The following DBT variants were observed in gnomAD, a reference collection of about 807,000 sequenced individuals.
DBT encodes lipoamide acyltransferase component of branched-chain alpha-keto acid dehydrogenase complex, mitochondrial.
In DBT, 40 loss-of-function variants were observed where a neutral mutation model predicts 51.3. That is an observed-to-expected ratio of 0.78 (90% CI 0.61 to 1.02). The LOEUF (loss-of-function observed/expected upper bound fraction) is 1.02. Among genes scored for constraint, DBT ranks in the 50% least tolerant of loss-of-function variants. The probability of loss-of-function intolerance (pLI) is 0.00; values close to 1 mark genes in which losing one functional copy is unlikely to be tolerated. For synonymous variants in DBT, 181 were observed against 190.4 expected (o/e 0.95, Z 0.41); for missense variants, 510 against 580.2 (o/e 0.88, Z 1.24).
chr1:100,191,954 T>A lies in DBT; in HGVS notation c.*4301A>T, dbSNP rs1447671321. 1 of 152,156 alleles carries A rather than the reference T, an allele frequency of 6.6e-6. No individual in the cohort carries two copies. Among genetic ancestry groups the A allele is most frequent in the African/African-American group, 2.4e-5 (1 of 41,400 alleles). 9.4% of individuals were successfully genotyped at this position (152,156 alleles called of 1,614,324 possible). On this transcript the variant is annotated 3_prime_UTR_variant, in exon 11 of 11. Coordinates refer to ENST00000370132, the MANE Select transcript of DBT (RefSeq NM_001918.5). ...CATGTCACTTCATCGGCCTAATTTT[T>A]TTTTTTTTTGGTATTTTTTGTTTTT...
At position 100,195,519 on chromosome 1, in the gene DBT, A is replaced by T. The variant is rs1027431838; in HGVS notation, c.*736T>A. On this transcript the variant is annotated 3_prime_UTR_variant, in exon 11 of 11. Coordinates refer to ENST00000370132, the MANE Select transcript of DBT (RefSeq NM_001918.5). ...ATAATTGCACTTATTTCATACAACA[A>T]TTAGCATAATAACGGAAATGGAAAA... 1.3e-5 allele frequency: 2 copies of T among 152,292 alleles called. No individual in the cohort carries two copies. Among genetic ancestry groups the T allele is most frequent in the African/African-American group, 4.8e-5 (2 of 41,452 alleles). 9.4% of individuals were successfully genotyped at this position (152,292 alleles called of 1,614,324 possible). A position where few individuals can be genotyped will look rare whatever the true frequency, so the allele number is the denominator to read the frequency against.
At chr1:100,246,802 G>A (rs1399216883) in intron 1 of DBT, among the ~76,000 whole-genome samples, 3 of 152,146 alleles carry the variant, frequency 2.0e-5, no homozygotes, top group Non-Finnish European at 2.9e-5. Context: ...CAAGTAAACC[G>A]GTGATTATAA....
intron 4 of DBT, among the ~76,000 whole-genome samples, chr1:100,221,787 A>T (rs1020401174): frequency 3.3e-5 from 5 of 152,234 alleles, no homozygotes; most frequent in Admixed American, 3.3e-4. Flanking sequence ...CGTAGAAAGC[A>T]AATTTATAAT....
chr1:100,187,009 T>G lies in DBT; in HGVS notation c.*9246A>C, dbSNP rs959819196. On this transcript the variant is annotated 3_prime_UTR_variant, in exon 11 of 11. Coordinates refer to ENST00000370132, the MANE Select transcript of DBT (RefSeq NM_001918.5). The stretch of plus-strand genomic sequence containing the variant: ...TGGAAATGACTTTTAAATCTCCATT[T>G]GAGAAAAAGCATGCCATGAGTCTAA... The G allele has an allele frequency of 6.6e-6, 1 of 152,220 alleles. No homozygotes were observed. Among genetic ancestry groups the G allele is most frequent in the African/African-American group, 2.4e-5 (1 of 41,462 alleles). 9.4% of individuals were successfully genotyped at this position (152,220 alleles called of 1,614,324 possible).
chr1:100,199,964 G>A (rs1174083358), intron 10 of DBT, among the ~76,000 whole-genome samples: 1 of 152,114 alleles, frequency 6.6e-6, no homozygotes. Flanking sequence ...GCACAAAACT[G>A]GGAGGCCGTT....
At chr1:100,222,452 A>C (rs1036538059) in intron 4 of DBT, among the ~76,000 whole-genome samples, 5 of 152,194 alleles carry the variant, frequency 3.3e-5, no homozygotes, top group African/African-American at 1.2e-4. Flanking sequence ...TCTCTGAACT[A>C]AATTATCAGT....
At chr1:100,227,073 C>CT (rs1253103900) in intron 4 of DBT, among the ~76,000 whole-genome samples, 1 of 152,170 alleles carries the variant, frequency 6.6e-6, no homozygotes, top group Admixed American at 6.5e-5. Flanking sequence ...GGTCACAAAC[C>CT]TGTGGAGCAT....
intron 4 of DBT, among the ~76,000 whole-genome samples, chr1:100,227,523 A>G (rs1339494995): frequency 1.3e-5 from 2 of 152,236 alleles, no homozygotes; most frequent in Non-Finnish European, 2.9e-5. Context: ...TCATTCCACA[A>G]CCACTAAAGC....
At chr1:100,241,355 T>C (rs1348692278) in intron 1 of DBT, among the ~76,000 whole-genome samples, 1 of 142,590 alleles carries the variant, frequency 7.0e-6, no homozygotes, top group Non-Finnish European at 1.5e-5. Flanking sequence ...AACCTAAGTG[T>C]CTGAAAGGTA....
At chr1:100,236,295 T>C in intron 2 of DBT, among the ~76,000 whole-genome samples, 1 of 152,192 alleles carries the variant, frequency 6.6e-6, no homozygotes. Context: ...AATGATACTG[T>C]ATGGTAATTA....
intron 4 of DBT, among the ~76,000 whole-genome samples, chr1:100,225,527 C>G (rs146752757): frequency 6.6e-6 from 1 of 152,044 alleles, no homozygotes; most frequent in East Asian, 1.9e-4. Flanking sequence ...AAAACAAACT[C>G]TAAAAACAAA....
chr1:100,226,106 G>T (rs558965381), intron 4 of DBT, among the ~76,000 whole-genome samples: 1 of 152,036 alleles, frequency 6.6e-6, no homozygotes, highest in South Asian at 2.1e-4. Flanking sequence ...TTCCAGCTTG[G>T]ACATTCTAAT....
chr1:100,209,042 G>C (rs1214936592), intron 8 of DBT, among the ~76,000 whole-genome samples: 1 of 151,428 alleles, frequency 6.6e-6, no homozygotes, highest in Non-Finnish European at 1.5e-5. Flanking sequence ...AGCTATCTTA[G>C]GGTCATGGAA....
At position 100,187,740 on chromosome 1, in the gene DBT, T is replaced by C. The variant is rs544399541; in HGVS notation, c.*8515A>G. The C allele has an allele frequency of 6.6e-6, 1 of 151,940 alleles. No homozygotes were observed. Among genetic ancestry groups the C allele is most frequent in the East Asian group, 1.9e-4 (1 of 5,178 alleles). The allele number at this position is 151,940 out of a possible 1,614,324, so 9.4% of individuals were successfully genotyped here. On this transcript the variant is annotated 3_prime_UTR_variant, in exon 11 of 11. Coordinates refer to ENST00000370132, the MANE Select transcript of DBT (RefSeq NM_001918.5). The stretch of plus-strand genomic sequence containing the variant: ...TTTGTAGAGACGAGGTTTTACCATG[T>C]TGCCCATGTGGGATATTTTGTATAC...
intron 1 of DBT, chr1:100,249,402 C>T: frequency 2.7e-6 from 1 of 375,028 alleles, no homozygotes; most frequent in Non-Finnish European, 5.1e-6. Flanking sequence ...GTCGTGTTAC[C>T]AGTGTTTGGC....
chr1:100,203,963 G>C (rs1045479994), intron 10 of DBT, among the ~76,000 whole-genome samples: 5 of 152,040 alleles, frequency 3.3e-5, no homozygotes, highest in Admixed American at 2.6e-4. Context: ...AAAATAATAA[G>C]AGCTATTTAT....
At chr1:100,243,471 T>C (rs371499901) in intron 1 of DBT, among the ~76,000 whole-genome samples, 17 of 151,836 alleles carry the variant, frequency 1.1e-4, no homozygotes, top group African/African-American at 3.6e-4. Flanking sequence ...TGTGCCATCA[T>C]GTCCAGCTAA....
At chr1:100,218,265 T>C (rs6577157) in intron 5 of DBT, among the ~76,000 whole-genome samples, 114,536 of 152,134 alleles carry the variant, frequency 0.75, 45,735 homozygotes, top group East Asian at 0.95. Context: ...TTTTTTATCT[T>C]GCTTCCTTCA....
chr1:100,212,074 C>T (rs1473119297), intron 7 of DBT, among the ~76,000 whole-genome samples: 2 of 152,102 alleles, frequency 1.3e-5, no homozygotes, highest in African/African-American at 4.8e-5. Context: ...GCCCAGCCAA[C>T]TTGAAAGTTT....
Sources: gnomAD v4.1 joint callset for allele counts (sites outside exome capture counted in the v4.1 genomes callset) on GRCh38, gnomAD v4.1.1 for gene constraint, MANE v1.5 for transcripts, NCBI Gene and HGNC (gene_info 2026-07-23, HGNC 2026-07-21) for gene names.